The following LHX4 variants were observed in gnomAD, a reference collection of about 807,000 sequenced individuals.
LHX4 encodes LIM homeobox 4.
Under a neutral mutation model 39.2 loss-of-function variants are expected in LHX4, and 16 were observed. The observed-to-expected ratio is 0.41, with a 90% CI of 0.28 to 0.62. LHX4 has a LOEUF of 0.62. LHX4 is among the 20% of genes least tolerant of loss of function. LHX4 has a pLI of 0.33. For missense variants in LHX4, 439 were observed against 511.9 expected (o/e 0.86, Z 1.37); for synonymous variants, 206 against 198.1 (o/e 1.04, Z -0.33).
intron 1 of LHX4, among the ~76,000 whole-genome samples, chr1:180,238,205 G>A (rs979691725): frequency 6.6e-6 from 1 of 152,156 alleles, no homozygotes; most frequent in African/African-American, 2.4e-5. Flanking sequence ...TTTTATTGAA[G>A]AGGTTTCTAT....
At chr1:180,249,878 CGTGT>C (rs1169891691) in intron 2 of LHX4, among the ~76,000 whole-genome samples, 3 of 143,040 alleles carry the variant, frequency 2.1e-5, no homozygotes, top group Non-Finnish European at 3.0e-5. Flanking sequence ...CGTGTGTGTG[CGTGT>C]GTGAGTGTGT....
At chr1:180,237,347 C>T (rs1664348145) in intron 1 of LHX4, among the ~76,000 whole-genome samples, 1 of 152,102 alleles carries the variant, frequency 6.6e-6, no homozygotes, top group South Asian at 2.1e-4. Flanking sequence ...GAGCTGGGCT[C>T]TTATTGTCTG....
At chr1:180,270,971 T>C (rs357043) in intron 3 of LHX4, 197,427 of 303,522 alleles carry the variant, frequency 0.65, 65,382 homozygotes, top group South Asian at 0.73. Flanking sequence ...GGAGGGCATC[T>C]GGGGCGACTT....
intron 1 of LHX4, among the ~76,000 whole-genome samples, chr1:180,231,809 C>G (rs1378849350): frequency 6.6e-5 from 10 of 152,080 alleles, no homozygotes; most frequent in Admixed American, 3.9e-4. Context: ...CGCCCTCCTG[C>G]GCCTCGGGTT....
At chr1:180,258,200 G>C (rs1558216851) in intron 2 of LHX4, among the ~76,000 whole-genome samples, 3 of 152,216 alleles carry the variant, frequency 2.0e-5, no homozygotes, top group Admixed American at 1.3e-4. Flanking sequence ...CTGTGGAGCA[G>C]GGAAGGAAGT....
intron 1 of LHX4, among the ~76,000 whole-genome samples, chr1:180,237,259 C>T (rs1452446302): frequency 6.6e-6 from 1 of 152,058 alleles, no homozygotes; most frequent in East Asian, 1.9e-4. Flanking sequence ...GCAGGCTGCA[C>T]CGTGGTGGAG....
intron 1 of LHX4, among the ~76,000 whole-genome samples, chr1:180,247,781 C>A (rs1647445078): frequency 6.6e-6 from 1 of 152,198 alleles, no homozygotes; most frequent in Non-Finnish European, 1.5e-5. Flanking sequence ...TCACTGCCCG[C>A]CCCCTCCCCC....
intron 1 of LHX4, among the ~76,000 whole-genome samples, chr1:180,243,089 A>G (rs1389566313): frequency 1.3e-5 from 2 of 152,066 alleles, no homozygotes; most frequent in Non-Finnish European, 2.9e-5. Flanking sequence ...CCTGGGTTCA[A>G]GTGATTCTCA....
upstream of LHX4, among the ~76,000 whole-genome samples, chr1:180,229,442 G>A (rs918373487): frequency 7.9e-5 from 12 of 152,114 alleles, no homozygotes; most frequent in African/African-American, 2.9e-4. Context: ...CCTGCGTCCC[G>A]CCACCTCCGC....
At chr1:180,263,877 C>T (rs1295081170) in intron 2 of LHX4, among the ~76,000 whole-genome samples, 1 of 152,104 alleles carries the variant, frequency 6.6e-6, no homozygotes, top group South Asian at 2.1e-4. Flanking sequence ...GCCCTCCTCT[C>T]CTTGGATCTC....
Position 180,266,681 on chromosome 1 carries a change from C to CA in LHX4, c.451+88dup. The CA allele has an allele frequency of 2.3e-6, 3 of 1,304,318 alleles. No homozygotes were observed. Among genetic ancestry groups the CA allele is most frequent in the Non-Finnish European group, 2.2e-6 (2 of 924,016 alleles). The allele number at this position is 1,304,318 out of a possible 1,614,324, so 80.8% of individuals were successfully genotyped here. A position where few individuals can be genotyped will look rare whatever the true frequency, so the allele number is the denominator to read the frequency against. On this transcript the variant is annotated intron_variant, in intron 3 of 5. Transcript: ENST00000263726. The surrounding 1 kb of genome is among the most constrained non-coding windows in gnomAD (Gnocchi z 5.7). ...CTGAGGTGCCCTTCTCATGGCGTCC[C>CA]ACCTGCCCATCCCTCAGAGCCCTAC...
chr1:180,230,525 C>G lies in LHX4; in HGVS notation c.-5C>G. ...AGACTGCGACTCGCTGGCTTTCGCT[C>G]CGAGATGATGCAGAGTGCGACTGTC... On this transcript the variant is annotated 5_prime_UTR_variant, in exon 1 of 6. Coordinates refer to ENST00000263726, the MANE Select transcript of LHX4 (RefSeq NM_033343.4). The surrounding 1 kb of genome is among the most constrained non-coding windows in gnomAD (Gnocchi z 5.8). 6.2e-7 allele frequency: 1 copy of G among 1,613,344 alleles called. No individual in the cohort carries two copies. The highest frequency in any genetic ancestry group is 8.5e-7 in the Non-Finnish European group (1 of 1,179,596).
chr1:180,274,654 T>C lies in LHX4; in HGVS notation c.*75T>C. 2 of 1,459,778 alleles carry C rather than the reference T, an allele frequency of 1.4e-6. No homozygotes were observed. Among genetic ancestry groups the C allele is most frequent in the Non-Finnish European group, 1.8e-6 (2 of 1,096,462 alleles). The allele number at this position is 1,459,778 out of a possible 1,614,324, so 90.4% of individuals were successfully genotyped here. ...TCAAGGATCAAAAGAGACTTGCCTT[T>C]TAAGGATCGAAAGTACGCCAATGTG... On this transcript the variant is annotated 3_prime_UTR_variant, in exon 6 of 6. Transcript: ENST00000263726.
At chr1:180,265,488 C>T (rs1474659610) in intron 2 of LHX4, among the ~76,000 whole-genome samples, 1 of 152,168 alleles carries the variant, frequency 6.6e-6, no homozygotes, top group Non-Finnish European at 1.5e-5. Flanking sequence ...GTGGAAACAA[C>T]CCCACTGGAC....
chr1:180,273,167 T>C (rs962455736), intron 5 of LHX4: 1 of 152,126 alleles, frequency 6.6e-6, no homozygotes. Context: ...CAGGTGGAAA[T>C]AGAAAAGGAA....
chr1:180,266,672 A>G lies in LHX4; in HGVS notation c.451+78A>G. The G allele has an allele frequency of 7.1e-7, 1 of 1,399,480 alleles. No homozygotes were observed. Among genetic ancestry groups the G allele is most frequent in the Non-Finnish European group, 9.9e-7 (1 of 1,008,124 alleles). 86.7% of individuals were successfully genotyped at this position (1,399,480 alleles called of 1,614,324 possible). ...GCCCTCTGCCTGAGGTGCCCTTCTCATGGCGTCCCACCTGCCCATCCCTCA... is the reference window on the plus strand; with the variant it reads ...GCCCTCTGCCTGAGGTGCCCTTCTCGTGGCGTCCCACCTGCCCATCCCTCA... On this transcript the variant is annotated intron_variant, in intron 3 of 5. Transcript: ENST00000263726. This position sits in a 1 kb window ranked among gnomAD's most constrained non-coding sequence, Gnocchi z 5.7.
chr1:180,234,936 G>T lies in LHX4; in HGVS notation c.76+4331G>T, dbSNP rs1440591179. ...CAGATGCCGGCCTGGGTGGCCCGGG[G>T]AACAGACGATGAATTCTTTAAATGA... On this transcript the variant is annotated intron_variant, in intron 1 of 5. Coordinates refer to ENST00000263726, the MANE Select transcript of LHX4 (RefSeq NM_033343.4). The surrounding 1 kb of genome is among the most constrained non-coding windows in gnomAD (Gnocchi z 4.8). Among the ~76,000 whole-genome samples, 1 of 152,346 alleles carries T rather than the reference G, an allele frequency of 6.6e-6. No individual in the cohort carries two copies. Among genetic ancestry groups the T allele is most frequent in the East Asian group, 1.9e-4 (1 of 5,166 alleles).
At chr1:180,271,762 G>A (rs910467818) in intron 4 of LHX4, 73 bp from the exon 5 acceptor site, 27 of 1,559,850 alleles carry the variant, frequency 1.7e-5, no homozygotes, top group South Asian at 8.9e-5. Flanking sequence ...CCAGCCGCCC[G>A]CCTAGGGGGT....
intron 1 of LHX4, among the ~76,000 whole-genome samples, chr1:180,238,611 C>A (rs1048818628): frequency 2.6e-5 from 4 of 152,030 alleles, no homozygotes; most frequent in Non-Finnish European, 5.9e-5. Flanking sequence ...TGTGCCTTTT[C>A]TCTTTATGTT....
Sources: gnomAD v4.1 joint callset for allele counts (sites outside exome capture counted in the v4.1 genomes callset) on GRCh38, gnomAD v4.1.1 for gene constraint, Gnocchi (gnomAD v3.1) non-coding constraint, MANE v1.5 for transcripts, NCBI Gene and HGNC (gene_info 2026-07-23, HGNC 2026-07-21) for gene names.